CTNNA2: variants seen among roughly 807,000 people sequenced by gnomAD.
CTNNA2 encodes catenin alpha-2.
In CTNNA2, 42 loss-of-function variants were observed where a neutral mutation model predicts 101.0. That is an observed-to-expected ratio of 0.42 (90% CI 0.32 to 0.54). The LOEUF is 0.54. Ranked by LOEUF, CTNNA2 falls within the 20% of genes least tolerant of loss-of-function variation. CTNNA2 has a pLI of 0.14. For missense variants in CTNNA2, 871 were observed against 1,223.1 expected (o/e 0.71, Z 4.29); for synonymous variants, 450 against 456.4 (o/e 0.99, Z 0.18).
chr2:80,392,805 T>G (rs1280454304), intron 7 of CTNNA2, among the ~76,000 whole-genome samples: 1 of 152,240 alleles, frequency 6.6e-6, no homozygotes, highest in Non-Finnish European at 1.5e-5. Flanking sequence ...ACTTAAAATC[T>G]TTTTCGATTT....
chr2:80,239,395 T>G (rs1372868863), intron 7 of CTNNA2, among the ~76,000 whole-genome samples: 1 of 152,166 alleles, frequency 6.6e-6, no homozygotes, highest in Non-Finnish European at 1.5e-5. Flanking sequence ...TGTTTGTGAT[T>G]GTATGTAGTG....
intron 7 of CTNNA2, among the ~76,000 whole-genome samples, chr2:80,068,139 G>A (rs991762429): frequency 3.9e-5 from 6 of 152,164 alleles, no homozygotes; most frequent in Non-Finnish European, 5.9e-5. Flanking sequence ...GCATAGATGC[G>A]CTGGCAGATG....
At chr2:80,309,510 G>T (rs1209086948) in intron 7 of CTNNA2, among the ~76,000 whole-genome samples, 1 of 152,104 alleles carries the variant, frequency 6.6e-6, no homozygotes, top group Non-Finnish European at 1.5e-5. Flanking sequence ...AGAATAAAAA[G>T]ACCTTGTTGG....
intron 2 of CTNNA2, among the ~76,000 whole-genome samples, chr2:79,724,463 G>T (rs1041027839): frequency 6.6e-6 from 1 of 151,874 alleles, no homozygotes; most frequent in Non-Finnish European, 1.5e-5. Flanking sequence ...ATAATAAAGG[G>T]ATTGAGTGGA....
intron 7 of CTNNA2, among the ~76,000 whole-genome samples, chr2:79,988,388 T>C (rs1691917110): frequency 6.6e-6 from 1 of 152,084 alleles, no homozygotes; most frequent in Non-Finnish European, 1.5e-5. Context: ...AGAGGGCATG[T>C]TAAAATGGCC....
intron 7 of CTNNA2, among the ~76,000 whole-genome samples, chr2:80,374,677 GC>G: frequency 7.5e-6 from 1 of 132,506 alleles, no homozygotes; most frequent in African/African-American, 3.5e-5. Flanking sequence ...CTGCGTGCGT[GC>G]GTGCGTGTGT....
intron 2 of CTNNA2, among the ~76,000 whole-genome samples, chr2:79,656,514 A>G (rs1372525505): frequency 3.3e-5 from 5 of 152,114 alleles, no homozygotes; most frequent in Admixed American, 6.5e-5. Flanking sequence ...TTTCACTGTC[A>G]TGAGAAAAAT....
At chr2:79,701,358 C>T (rs1248481214) in intron 2 of CTNNA2, among the ~76,000 whole-genome samples, 1 of 152,118 alleles carries the variant, frequency 6.6e-6, no homozygotes, top group African/African-American at 2.4e-5. Context: ...TGCAGCTAAA[C>T]GGGACCTTGC....
intron 7 of CTNNA2, among the ~76,000 whole-genome samples, chr2:80,209,288 G>A (rs939943810): frequency 3.4e-5 from 5 of 148,514 alleles, no homozygotes; most frequent in African/African-American, 7.5e-5. Flanking sequence ...TGCAACCTCC[G>A]CCTCCCAGGT....
intron 9 of CTNNA2, among the ~76,000 whole-genome samples, chr2:80,498,318 C>T (rs527741059): frequency 2.2e-4 from 33 of 152,286 alleles, no homozygotes; most frequent in African/African-American, 7.0e-4. Flanking sequence ...TTACTGATTT[C>T]GTGGAGCAAT....
intron 6 of CTNNA2, among the ~76,000 whole-genome samples, chr2:79,879,928 C>T (rs930458589): frequency 3.3e-5 from 5 of 152,030 alleles, no homozygotes; most frequent in African/African-American, 9.7e-5. Flanking sequence ...TTGCTTTTGC[C>T]CATTCAATAT....
chr2:79,327,458 T>G (rs1240863009), intron 3 of CTNNA2, among the ~76,000 whole-genome samples: 1 of 152,208 alleles, frequency 6.6e-6, no homozygotes, highest in Non-Finnish European at 1.5e-5. Context: ...CTGGTCTTCA[T>G]TCTCCTGTTC....
intron 7 of CTNNA2, among the ~76,000 whole-genome samples, chr2:80,015,217 G>A (rs768070800): frequency 6.6e-6 from 1 of 151,954 alleles, no homozygotes; most frequent in South Asian, 2.1e-4. Context: ...GCTTTATTTG[G>A]TGCTGCTCTG....
At chr2:79,958,654 T>C (rs1689411416) in intron 7 of CTNNA2, among the ~76,000 whole-genome samples, 1 of 152,194 alleles carries the variant, frequency 6.6e-6, no homozygotes, top group African/African-American at 2.4e-5. Context: ...ACCCATGTCT[T>C]ATAGACCTGT....
chr2:79,441,078 T>G (rs184948412), intron 4 of CTNNA2, among the ~76,000 whole-genome samples: 27 of 152,328 alleles, frequency 1.8e-4, no homozygotes, highest in African/African-American at 6.5e-4. Flanking sequence ...AGGAACTGAC[T>G]GTTACAAAGG....
chr2:79,593,899 T>C (rs1455979007), intron 1 of CTNNA2, among the ~76,000 whole-genome samples: 1 of 118,736 alleles, frequency 8.4e-6, no homozygotes, highest in African/African-American at 3.1e-5. Context: ...TTTTTTTTTT[T>C]TTTTTTGAGA....
At chr2:79,749,734 A>G (rs1203272479) in intron 3 of CTNNA2, among the ~76,000 whole-genome samples, 2 of 152,114 alleles carry the variant, frequency 1.3e-5, no homozygotes, top group Non-Finnish European at 2.9e-5. Flanking sequence ...TCACTTAACC[A>G]CTTTTAGCTT....
chr2:80,638,324 T>TG lies in CTNNA2; in HGVS notation c.2575-9253dup, dbSNP rs3836008. Reference sequence around the variant, plus strand: ...TCTGCCCAAGAATATTTCCCAATTATGGGGGGGGTGCCTGAAAGCCCATTG... The same window carrying TG: ...TCTGCCCAAGAATATTTCCCAATTATGGGGGGGGGTGCCTGAAAGCCCATTG... On this transcript the variant is annotated intron_variant, in intron 18 of 18. Transcript: ENST00000402739. 6.6e-4 allele frequency among the ~76,000 whole-genome samples: 100 copies of TG among 151,912 alleles called. No individual in the cohort carries two copies. In the Middle Eastern group the frequency reaches 0.01, roughly 16 times the overall value.
At chr2:80,045,159 C>A (rs998981605) in intron 7 of CTNNA2, among the ~76,000 whole-genome samples, 3 of 152,146 alleles carry the variant, frequency 2.0e-5, no homozygotes, top group Non-Finnish European at 4.4e-5. Flanking sequence ...AGTTTCATGG[C>A]CTTTTATGAC....
Sources: gnomAD v4.1 joint callset for allele counts (sites outside exome capture counted in the v4.1 genomes callset) on GRCh38, gnomAD v4.1.1 for gene constraint, MANE v1.5 for transcripts, NCBI Gene and HGNC (gene_info 2026-07-23, HGNC 2026-07-21) for gene names.